ZNF250: variants seen among roughly 807,000 people sequenced by gnomAD.
ZNF250 encodes zinc finger protein 250.
In ZNF250, 13 loss-of-function variants were observed where a neutral mutation model predicts 37.1. That is an observed-to-expected ratio of 0.35 (90% CI 0.23 to 0.56). The LOEUF (loss-of-function observed/expected upper bound fraction) is 0.56. Ranked by LOEUF, ZNF250 falls within the 20% of genes least tolerant of loss-of-function variation. The probability of loss-of-function intolerance (pLI) is 0.87; values close to 1 mark genes in which losing one functional copy is unlikely to be tolerated. For synonymous variants in ZNF250, 251 were observed against 265.6 expected (o/e 0.94, Z 0.54); for missense variants, 474 against 697.9 (o/e 0.68, Z 3.61).
rs1418002677 is a variant in ZNF250 at position 144,897,019 on chromosome 8, A to G, written c.-55+4380T>C. ...CAATAGATCAACGTTATTAGCAGCA[A>G]CTGGCTTTCCAGTTTTCTTTAGGTG... On this transcript the variant is annotated intron_variant, in intron 1 of 5. Coordinates refer to ENST00000417550, the MANE Select transcript of ZNF250 (RefSeq NM_001109689.4). This position sits in a 1 kb window ranked among gnomAD's most constrained non-coding sequence, Gnocchi z 5.2. Among the ~76,000 whole-genome samples, 1 of 152,218 alleles carries G rather than the reference A, an allele frequency of 6.6e-6. No homozygotes were observed. Among genetic ancestry groups the G allele is most frequent in the Admixed American group, 6.5e-5 (1 of 15,278 alleles).
At chr8:144,885,499 C>G (rs997536851) in intron 5 of ZNF250, among the ~76,000 whole-genome samples, 1 of 151,110 alleles carries the variant, frequency 6.6e-6, no homozygotes, top group Admixed American at 6.6e-5. Flanking sequence ...GGGTCTCACT[C>G]TATCACCCAG....
At chr8:144,896,893 C>T (rs1832762930) in intron 1 of ZNF250, among the ~76,000 whole-genome samples, 1 of 152,176 alleles carries the variant, frequency 6.6e-6, no homozygotes, top group South Asian at 2.1e-4. Context: ...AATGATCCCT[C>T]CCACCCACTG....
chr8:144,889,280 C>T (rs1832136242), intron 4 of ZNF250, among the ~76,000 whole-genome samples: 1 of 152,168 alleles, frequency 6.6e-6, no homozygotes, highest in Non-Finnish European at 1.5e-5. Context: ...CTATTAGGAC[C>T]AAATCTGGCT....
intron 5 of ZNF250, among the ~76,000 whole-genome samples, chr8:144,883,250 G>C (rs764205095): frequency 2.6e-5 from 4 of 152,222 alleles, no homozygotes; most frequent in African/African-American, 4.8e-5. Flanking sequence ...GTGAGCTATT[G>C]TGAGCAAGTC....
chr8:144,898,405 A>C (rs530442624), intron 1 of ZNF250, among the ~76,000 whole-genome samples: 14 of 152,384 alleles, frequency 9.2e-5, no homozygotes, highest in African/African-American at 3.1e-4. Flanking sequence ...CCTAATCAGA[A>C]AATATGAATG....
At chr8:144,895,785 G>A (rs374981333) in intron 1 of ZNF250, among the ~76,000 whole-genome samples, 2 of 151,640 alleles carry the variant, frequency 1.3e-5, no homozygotes, top group East Asian at 1.9e-4. Flanking sequence ...CGAGGCGGGC[G>A]GATCAAAAGG....
In ZNF250 at chr8:144,878,625, CTAAG is replaced by C. The variant is rs1442438827; in HGVS notation, c.*2886_*2889del. ...AGCAGAACCTCAGTGATCTCAGCTCCTAAGTAACATCTCAGCATTCTCATCTTTC... is the reference window on the plus strand; with the variant it reads ...AGCAGAACCTCAGTGATCTCAGCTCCTAACATCTCAGCATTCTCATCTTTC... On this transcript the variant is annotated 3_prime_UTR_variant, in exon 6 of 6. Coordinates refer to ENST00000417550, the MANE Select transcript of ZNF250 (RefSeq NM_001109689.4). The C allele has an allele frequency of 6.6e-6, 1 of 151,610 alleles. No individual in the cohort carries two copies. The highest frequency in any genetic ancestry group is 1.5e-5 in the Non-Finnish European group (1 of 67,900). 9.4% of individuals were successfully genotyped at this position (151,610 alleles called of 1,614,324 possible). A position where few individuals can be genotyped will look rare whatever the true frequency, so the allele number is the denominator to read the frequency against.
Position 144,890,416 on chromosome 8 carries a change from A to G in ZNF250, c.-54-13T>C. On this transcript the variant is annotated splice_polypyrimidine_tract_variant and intron_variant, in intron 1 of 5. Coordinates refer to ENST00000417550, the MANE Select transcript of ZNF250 (RefSeq NM_001109689.4). This position sits in a 1 kb window ranked among gnomAD's most constrained non-coding sequence, Gnocchi z 5.1. ...GGAGCCTATGGGGCTGAGGAAGAGG[A>G]GGGGGCAAGTGAGGGGCATGGCCTT... 2 of 1,393,928 alleles carry G rather than the reference A, an allele frequency of 1.4e-6. No homozygotes were observed. The highest frequency in any genetic ancestry group is 1.9e-6 in the Non-Finnish European group (2 of 1,064,554). The allele number at this position is 1,393,928 out of a possible 1,614,324, so 86.3% of individuals were successfully genotyped here.
Position 144,890,209 on chromosome 8 carries a change from T to A in ZNF250, c.42+99A>T. The A allele has an allele frequency of 1.3e-6, 2 of 1,493,316 alleles. No individual in the cohort carries two copies. Among genetic ancestry groups the A allele is most frequent in the Non-Finnish European group, 1.8e-6 (2 of 1,092,316 alleles). 92.5% of individuals were successfully genotyped at this position (1,493,316 alleles called of 1,614,324 possible). The stretch of plus-strand genomic sequence containing the variant: ...GGAAGGGGCCGCGGAGTTCAGGGCA[T>A]GTGGTGACGCTCTGGCTGCTCTTAG... On this transcript the variant is annotated intron_variant, in intron 2 of 5. Coordinates refer to ENST00000417550, the MANE Select transcript of ZNF250 (RefSeq NM_001109689.4). The surrounding 1 kb of genome is among the most constrained non-coding windows in gnomAD (Gnocchi z 5.1).
rs977576805 is a variant in ZNF250 at position 144,881,303 on chromosome 8, A to T, written c.*212T>A. On this transcript the variant is annotated 3_prime_UTR_variant, in exon 6 of 6. Transcript: ENST00000417550. Reference sequence around the variant, plus strand: ...AATTGTATGATTACTCTCCAACATAACTTCAAGATGTTGAGGAAAATAAAA... The same window carrying T: ...AATTGTATGATTACTCTCCAACATATCTTCAAGATGTTGAGGAAAATAAAA... The T allele has an allele frequency of 3.4e-6, 2 of 580,074 alleles. No individual in the cohort carries two copies. The highest frequency in any genetic ancestry group is 3.7e-5 in the African/African-American group (2 of 53,568). The allele number at this position is 580,074 out of a possible 1,614,324, so 35.9% of individuals were successfully genotyped here.
rs981855081 is a variant in ZNF250 at position 144,882,966 on chromosome 8, G to A, written c.347-130C>T. The A allele has an allele frequency of 9.1e-6, 9 of 983,856 alleles. No individual in the cohort carries two copies. Among genetic ancestry groups the A allele is most frequent in the African/African-American group, 3.2e-5 (2 of 61,712 alleles). 60.9% of individuals were successfully genotyped at this position (983,856 alleles called of 1,614,324 possible). On this transcript the variant is annotated intron_variant, in intron 5 of 5. Transcript: ENST00000417550. The surrounding 1 kb of genome is among the most constrained non-coding windows in gnomAD (Gnocchi z 5.5). ...GCACACGTTGGTGTGAGCTACAGAA[G>A]AACAGAACCACCATAACTGTGTCAA... is the stretch of plus-strand genomic sequence containing the variant.
At chr8:144,884,974 T>C (rs1831763238) in intron 5 of ZNF250, among the ~76,000 whole-genome samples, 1 of 152,252 alleles carries the variant, frequency 6.6e-6, no homozygotes, top group South Asian at 2.1e-4. Context: ...TCCTAATCTA[T>C]GCAGAAATTT....
Position 144,886,862 on chromosome 8 carries a change from T to G in ZNF250, c.324A>C (p.Gln108His), listed in dbSNP as rs763768173. The change falls in exon 5 of 6, where the codon CAA becomes CAC. Residue 108 changes from glutamine (Q) to histidine (H), a missense_variant. This residue lies in a region of ZNF250 where 192 missense variants were observed against 227.5 expected (regional missense o/e 0.84). Coordinates refer to ENST00000417550, the MANE Select transcript of ZNF250 (RefSeq NM_001109689.4). ...KYDHTTACTQ[Q>H]DSLSCPWECE... ...TACCCCATGGACAAGATAAACTGTC[T>G]TGTTGTGTACAGGCTGTAGTGTGGT... The G allele has an allele frequency of 1.2e-6, 2 of 1,608,796 alleles. No homozygotes were observed. Among genetic ancestry groups the G allele is most frequent in the African/African-American group, 2.8e-5 (2 of 71,452 alleles).
At position 144,882,715 on chromosome 8, in the gene ZNF250, T is replaced by G. The variant is rs1426326338; in HGVS notation, c.468A>C (p.Thr156=). The change falls in exon 6 of 6, where the codon ACA becomes ACC. Residue 156 remains threonine (T), a synonymous_variant. Transcript: ENST00000417550. The surrounding 1 kb of genome is among the most constrained non-coding windows in gnomAD (Gnocchi z 5.5). ...TTGGACTCAGACAGAAGCTTTGCTT[T>G]GTTTCATTATTTTCTTGATCAATCC... ...LGRIDQENNE[T]KQSFCLSPNS... 1.2e-6 allele frequency: 2 copies of G among 1,613,920 alleles called. No individual in the cohort carries two copies. Among genetic ancestry groups the G allele is most frequent in the Admixed American group, 3.3e-5 (2 of 60,008 alleles).
At chr8:144,899,029 A>G (rs1471039878) in intron 1 of ZNF250, among the ~76,000 whole-genome samples, 3 of 152,236 alleles carry the variant, frequency 2.0e-5, no homozygotes, top group African/African-American at 7.2e-5. Flanking sequence ...TATGTACACA[A>G]TGGAATATGA....
chr8:144,890,197 G>T lies in ZNF250; in HGVS notation c.42+111C>A. On this transcript the variant is annotated intron_variant, in intron 2 of 5. Coordinates refer to ENST00000417550, the MANE Select transcript of ZNF250 (RefSeq NM_001109689.4). The surrounding 1 kb of genome is among the most constrained non-coding windows in gnomAD (Gnocchi z 5.1). Reference sequence around the variant, plus strand: ...AGGTGGGTGATGGGAAGGGGCCGCGGAGTTCAGGGCATGTGGTGACGCTCT... The same window carrying T: ...AGGTGGGTGATGGGAAGGGGCCGCGTAGTTCAGGGCATGTGGTGACGCTCT... 6.7e-7 allele frequency: 1 copy of T among 1,497,174 alleles called. No individual in the cohort carries two copies. Among genetic ancestry groups the T allele is most frequent in the Non-Finnish European group, 9.1e-7 (1 of 1,096,054 alleles). 92.7% of individuals were successfully genotyped at this position (1,497,174 alleles called of 1,614,324 possible).
chr8:144,894,952 A>C (rs1183234459), intron 1 of ZNF250, among the ~76,000 whole-genome samples: 2 of 152,170 alleles, frequency 1.3e-5, no homozygotes, highest in Non-Finnish European at 2.9e-5. Context: ...GCCTGAGAAC[A>C]CCACACCCGG....
Position 144,890,448 on chromosome 8 carries a change from G to GT in ZNF250, c.-54-46dup. The GT allele has an allele frequency of 8.0e-7, 1 of 1,247,364 alleles. No individual in the cohort carries two copies. Among genetic ancestry groups the GT allele is most frequent in the South Asian group, 2.2e-5 (1 of 45,478 alleles). The allele number at this position is 1,247,364 out of a possible 1,614,324, so 77.3% of individuals were successfully genotyped here. A position where few individuals can be genotyped will look rare whatever the true frequency, so the allele number is the denominator to read the frequency against. ...AAGTGAGGGGCATGGCCTTGAGACCGTAACTTCCTAGGGGGCCCTCAGGGG... is the reference window on the plus strand; with the variant it reads ...AAGTGAGGGGCATGGCCTTGAGACCGTTAACTTCCTAGGGGGCCCTCAGGGG... On this transcript the variant is annotated intron_variant, in intron 1 of 5. Transcript: ENST00000417550. This position sits in a 1 kb window ranked among gnomAD's most constrained non-coding sequence, Gnocchi z 5.1.
intron 1 of ZNF250, among the ~76,000 whole-genome samples, chr8:144,892,143 C>G (rs900444177): frequency 6.6e-6 from 1 of 152,248 alleles, no homozygotes; most frequent in African/African-American, 2.4e-5. Flanking sequence ...ACTTTCAACC[C>G]TCCCCCGTGC....
Sources: gnomAD v4.1 joint callset for allele counts (sites outside exome capture counted in the v4.1 genomes callset) on GRCh38, gnomAD v4.1.1 for gene constraint, gnomAD v4.1.1 regional missense constraint, Gnocchi (gnomAD v3.1) non-coding constraint, MANE v1.5 for transcripts, NCBI Gene and HGNC (gene_info 2026-07-23, HGNC 2026-07-21) for gene names.